FMNL2: variants seen among roughly 807,000 people sequenced by gnomAD.
FMNL2 encodes the protein formin like 2, also known as formin-like protein 2.
In FMNL2, 51 loss-of-function variants were observed where a neutral mutation model predicts 130.2. The ratio of observed to expected loss-of-function variants is 0.39; its 90% confidence interval spans 0.31 to 0.49. The LOEUF (loss-of-function observed/expected upper bound fraction) is 0.49, where lower values mean the gene tolerates loss of function less well. Ranked by LOEUF, FMNL2 falls within the 20% of genes least tolerant of loss-of-function variation. The pLI, the probability that FMNL2 is intolerant of heterozygous loss-of-function variation, is 0.85. For missense variants in FMNL2, 977 were observed against 1,316.2 expected, an observed-to-expected ratio of 0.74 and a Z score of 3.99; for synonymous variants, 465 against 467.1, an observed-to-expected ratio of 1.00 and a Z score of 0.06.
At chr2:152,495,698 C>G (rs999202225) in intron 1 of FMNL2, among the ~76,000 whole-genome samples, 5 of 141,542 alleles carry the variant, frequency 3.5e-5, no homozygotes, top group Admixed American at 1.5e-4. Context: ...AGCTTTTACA[C>G]CTCCTAGTTG....
At chr2:152,381,410 G>T (rs1684452509) in intron 1 of FMNL2, among the ~76,000 whole-genome samples, 1 of 152,176 alleles carries the variant, frequency 6.6e-6, no homozygotes, top group Non-Finnish European at 1.5e-5. Context: ...GGGAAAGCCA[G>T]ATCTCCAGGG....
chr2:152,430,577 A>C (rs2106086753), intron 1 of FMNL2, among the ~76,000 whole-genome samples: 1 of 152,350 alleles, frequency 6.6e-6, no homozygotes, highest in East Asian at 1.9e-4. Context: ...AAGGTTGATT[A>C]AAGATTTATT....
rs1553476567 is a variant in FMNL2, at chr2:152,558,730, T to TTTC, written c.360-10_360-9insTTC. 153 of 1,562,736 alleles carry TTTC rather than the reference T, an allele frequency of 9.8e-5. No individual in the cohort carries two copies. The highest frequency in any genetic ancestry group is 3.0e-4 in the Admixed American group (17 of 57,042). On this transcript the variant is annotated splice_polypyrimidine_tract_variant and intron_variant, in intron 4 of 25. Transcript: ENST00000288670. ...TTCTCCAATGATTTTTTTTTTTTTT[T>TTTC]CCCCAACAGATGGGTCAGAGAATTT...
chr2:152,619,580 C>T lies in FMNL2; in HGVS notation c.1699C>T (p.Pro567Ser). The T allele has an allele frequency of 6.5e-7, 1 of 1,532,246 alleles. No individual in the cohort carries two copies. The highest frequency in any genetic ancestry group is 8.8e-7 in the Non-Finnish European group (1 of 1,133,228). The allele number at this position is 1,532,246 out of a possible 1,614,324, so 94.9% of individuals were successfully genotyped here. A position where few individuals can be genotyped will look rare whatever the true frequency, so the allele number is the denominator to read the frequency against. ...CCCTCCTCCACCTCCTCCTCCCCCACCGCCCCCTCCGCCTCCTCCTCTCCC... is the reference window on the plus strand; with the variant it reads ...CCCTCCTCCACCTCCTCCTCCCCCATCGCCCCCTCCGCCTCCTCCTCTCCC... Reference protein sequence around the residue: ...PPPPPPPPPPPPPPPPPLPGP... With the variant: ...PPPPPPPPPPSPPPPPPLPGP... Residue 567 changes from proline (P) to serine (S), a missense_variant, in exon 15 of 26, where the codon CCG becomes TCG. By Grantham distance (74) the Pro-to-Ser change is moderately conservative. This residue lies in a region of FMNL2 where 689 missense variants were observed against 995.9 expected (regional missense o/e 0.69). Coordinates refer to ENST00000288670, the MANE Select transcript of FMNL2 (RefSeq NM_052905.4).
At chr2:152,607,247 C>A in intron 9 of FMNL2, 92 bp from the exon 10 acceptor site, 1 of 1,027,668 alleles carries the variant, frequency 9.7e-7, no homozygotes, top group South Asian at 1.4e-5. Flanking sequence ...GATAGATATT[C>A]TGGAAATCAT....
intron 1 of FMNL2, among the ~76,000 whole-genome samples, chr2:152,494,273 C>T (rs1353450516): frequency 6.6e-6 from 1 of 152,192 alleles, no homozygotes; most frequent in African/African-American, 2.4e-5. Context: ...CATTTGACCT[C>T]TGTTATTGTA....
intron 1 of FMNL2, chr2:152,390,218 GA>G: frequency 6.9e-7 from 1 of 1,449,656 alleles, no homozygotes; most frequent in Non-Finnish European, 9.7e-7. Context: ...ACTTCCGGCT[GA>G]AAGGGAAGGA....
chr2:152,369,592 C>T lies in FMNL2; in HGVS notation c.117+33872C>T, dbSNP rs74595581. Among the ~76,000 whole-genome samples the T allele has an allele frequency of 1.8e-3, 281 of 152,322 alleles. 7 individuals are homozygous for T. In the East Asian group the frequency reaches 0.047, roughly 25 times the overall value. On this transcript the variant is annotated intron_variant, in intron 1 of 25. Transcript: ENST00000288670. ...AAGAGGGTAGAGGTTTATTGGTGCA[C>T]TTACTGCGTGCCGATTGTCTAGGCC...
chr2:152,370,916 T>G (rs183356805), intron 1 of FMNL2, among the ~76,000 whole-genome samples: 4 of 152,358 alleles, frequency 2.6e-5, no homozygotes, highest in Admixed American at 2.6e-4. Flanking sequence ...CGCAATCATA[T>G]GATGGCTTGA....
chr2:152,405,925 A>G (rs1361207786), intron 1 of FMNL2, among the ~76,000 whole-genome samples: 3 of 152,258 alleles, frequency 2.0e-5, no homozygotes, highest in Middle Eastern at 3.2e-3. Context: ...TTAAGAATAC[A>G]TGATATACAT....
chr2:152,417,210 C>T (rs1016239626), intron 1 of FMNL2, among the ~76,000 whole-genome samples: 20 of 152,208 alleles, frequency 1.3e-4, no homozygotes, highest in African/African-American at 4.8e-4. Flanking sequence ...TTAGAAAATA[C>T]ACACATTGAT....
At chr2:152,454,985 A>G (rs1579705341) in intron 1 of FMNL2, among the ~76,000 whole-genome samples, 2 of 152,162 alleles carry the variant, frequency 1.3e-5, no homozygotes, top group South Asian at 2.1e-4. Context: ...TGAAGTAGAC[A>G]TGTCATTGAG....
intron 1 of FMNL2, among the ~76,000 whole-genome samples, chr2:152,424,855 A>G (rs1687115789): frequency 6.6e-6 from 1 of 152,202 alleles, no homozygotes. Flanking sequence ...AAACTGTTAG[A>G]ATATATTAAA....
chr2:152,642,889 A>C (rs1041291803), intron 25 of FMNL2, among the ~76,000 whole-genome samples: 1 of 152,064 alleles, frequency 6.6e-6, no homozygotes, highest in African/African-American at 2.4e-5. Context: ...GGTGTCTGTA[A>C]TCCCAGCTAC....
chr2:152,562,855 T>C (rs2105610769), intron 6 of FMNL2, among the ~76,000 whole-genome samples: 1 of 152,318 alleles, frequency 6.6e-6, no homozygotes, highest in African/African-American at 2.4e-5. Flanking sequence ...TAACTGTAAT[T>C]ATTTGTAAGG....
chr2:152,544,029 G>A (rs1405094538), intron 3 of FMNL2, among the ~76,000 whole-genome samples: 1 of 152,120 alleles, frequency 6.6e-6, no homozygotes, highest in Non-Finnish European at 1.5e-5. Context: ...CTGCAAATGA[G>A]ACTATTGTTC....
intron 4 of FMNL2, among the ~76,000 whole-genome samples, chr2:152,554,738 C>T (rs1357412833): frequency 1.3e-5 from 2 of 152,178 alleles, no homozygotes; most frequent in Non-Finnish European, 2.9e-5. Flanking sequence ...AAAGGATGGG[C>T]TCACTTCATA....
At chr2:152,359,524 C>G (rs6754501) in intron 1 of FMNL2, among the ~76,000 whole-genome samples, 115,032 of 150,240 alleles carry the variant, frequency 0.77, 45,125 homozygotes, top group Admixed American at 0.86. Context: ...ACTAAAGGAA[C>G]TAGGGAGAGT....
At chr2:152,359,711 G>A (rs1384052525) in intron 1 of FMNL2, among the ~76,000 whole-genome samples, 4 of 152,120 alleles carry the variant, frequency 2.6e-5, no homozygotes, top group Non-Finnish European at 5.9e-5. Flanking sequence ...AAGCCATTGA[G>A]CAATTTTGGA....
Sources: allele counts gnomAD v4.1 joint callset (sites outside exome capture counted in the v4.1 genomes callset), GRCh38; gene constraint gnomAD v4.1.1; regional missense constraint gnomAD v4.1.1; transcripts MANE v1.5; gene names NCBI Gene and HGNC (gene_info 2026-07-23, HGNC 2026-07-21).